The following EPB41L1 variants were observed in gnomAD, a reference collection of about 807,000 sequenced individuals.
EPB41L1 encodes erythrocyte membrane protein band 4.1 like 1.
In EPB41L1, 29 loss-of-function variants were observed where a neutral mutation model predicts 97.8. The ratio of observed to expected loss-of-function variants is 0.30; its 90% CI spans 0.22 to 0.40. The LOEUF (loss-of-function observed/expected upper bound fraction) is 0.40. EPB41L1 is among the 10% of genes least tolerant of loss of function. The pLI is 1.00. For missense variants in EPB41L1, 812 were observed against 1,162.3 expected (o/e 0.70, Z 4.38); for synonymous variants, 383 against 459.2 (o/e 0.83, Z 2.12).
At position 36,219,801 on chromosome 20, in the gene EPB41L1, C is replaced by A. The variant is rs1170871646; in HGVS notation, c.2396C>A (p.Thr799Asn). 6.2e-7 allele frequency: 1 copy of A among 1,614,242 alleles called. No individual in the cohort carries two copies. The highest frequency in any genetic ancestry group is 8.5e-7 in the Non-Finnish European group (1 of 1,180,046). Residue 799 changes from threonine to asparagine, a missense_variant, in exon 19 of 22, where the codon ACT becomes AAT. Thr to Asn is a moderately conservative substitution (Grantham distance 65). Coordinates refer to ENST00000338074, the MANE Select transcript of EPB41L1 (RefSeq NM_012156.2). ...GTCCTCACCAGCACCTACGGCGCCACTGCGGAAACCCTCTCAACCTCCACC... is the reference window on the plus strand; with the variant it reads ...GTCCTCACCAGCACCTACGGCGCCAATGCGGAAACCCTCTCAACCTCCACC... ...KDVLTSTYGA[T>N]AETLSTSTTT...
At position 36,195,697 on chromosome 20, in the gene EPB41L1, C is replaced by T. The variant is rs2062164388; in HGVS notation, c.1485+333C>T. 6.6e-6 allele frequency among the ~76,000 whole-genome samples: 1 copy of T among 152,212 alleles called. No homozygotes were observed. Among genetic ancestry groups the T allele is most frequent in the South Asian group, 2.1e-4 (1 of 4,830 alleles). On this transcript the variant is annotated intron_variant, in intron 13 of 21. Transcript: ENST00000338074. The surrounding 1 kb of genome is among the most constrained non-coding windows in gnomAD (Gnocchi z 4.6). ...CACCTGCACCACCAGCTCTTCCAGG[C>T]CATTCTGTGCTTTCATTTAGCACAT...
At position 36,093,850 on chromosome 20, in the gene EPB41L1, C is replaced by T. The variant is rs1055447390; in HGVS notation, c.-65+2238C>T. On this transcript the variant is annotated intron_variant, in intron 1 of 19. Transcript: ENST00000202028. The surrounding 1 kb of genome is among the most constrained non-coding windows in gnomAD (Gnocchi z 5.4). ...GGGGACATGTCCCCTCCGGCCTCCC[C>T]CCAGCCCCCCACCAGACCTAGCCTG... is the stretch of plus-strand genomic sequence containing the variant. 4.6e-5 allele frequency among the ~76,000 whole-genome samples: 7 copies of T among 152,092 alleles called. No individual in the cohort carries two copies. Among genetic ancestry groups the T allele is most frequent in the African/African-American group, 1.7e-4 (7 of 41,426 alleles).
intron 1 of EPB41L1, chr20:36,155,344 C>T: frequency 2.8e-6 from 1 of 362,550 alleles, no homozygotes; most frequent in South Asian, 2.0e-5. Context: ...CTTCCCCGCT[C>T]TGGGCTTGCC....
intron 2 of EPB41L1, among the ~76,000 whole-genome samples, chr20:36,135,481 G>A (rs1027989410): frequency 6.6e-6 from 1 of 152,172 alleles, no homozygotes; most frequent in East Asian, 1.9e-4. Flanking sequence ...CCTTGGGCAA[G>A]TTACTTTATC....
intron 1 of EPB41L1, among the ~76,000 whole-genome samples, chr20:36,111,380 C>T (rs1033332471): frequency 6.6e-6 from 1 of 152,202 alleles, no homozygotes; most frequent in Non-Finnish European, 1.5e-5. Flanking sequence ...CTCCAAGTCT[C>T]CTGCCCCATT....
intron 1 of EPB41L1, among the ~76,000 whole-genome samples, chr20:36,167,475 G>A (rs2060786456): frequency 6.6e-6 from 1 of 152,150 alleles, no homozygotes; most frequent in African/African-American, 2.4e-5. Context: ...AGGAGGCTGA[G>A]GCGGGCGGAT....
chr20:36,120,664 C>T (rs2058722642), intron 2 of EPB41L1, among the ~76,000 whole-genome samples: 1 of 152,106 alleles, frequency 6.6e-6, no homozygotes, highest in Admixed American at 6.6e-5. Context: ...GAAATGGATT[C>T]TGCCTCCAGC....
intron 2 of EPB41L1, among the ~76,000 whole-genome samples, chr20:36,139,967 T>C (rs2059573531): frequency 6.6e-6 from 1 of 152,104 alleles, no homozygotes; most frequent in East Asian, 1.9e-4. Flanking sequence ...CGACCTCAGG[T>C]GATCCGCCCA....
chr20:36,168,376 G>T (rs1052472095), intron 1 of EPB41L1, among the ~76,000 whole-genome samples: 1 of 152,230 alleles, frequency 6.6e-6, no homozygotes, highest in Middle Eastern at 3.4e-3. Context: ...GGCCCTGCTG[G>T]CCTCTGTCTG....
In EPB41L1 at chr20:36,214,418, C is replaced by T. The variant is rs200279989; in HGVS notation, c.2246C>T (p.Thr749Met). The T allele has an allele frequency of 1.7e-5, 28 of 1,613,448 alleles. No homozygotes were observed. The highest frequency in any genetic ancestry group is 1.6e-4 in the Middle Eastern group (1 of 6,084). The part of the protein sequence containing the change: ...EFIATTPSIT[T>M]ETISTTMENS... ...ATAGCAACCACTCCCTCCATCACCACGGAGACCATATCGACCACCATGGTA... is the reference window on the plus strand; with the variant it reads ...ATAGCAACCACTCCCTCCATCACCATGGAGACCATATCGACCACCATGGTA... The change falls in exon 17 of 22, where the codon ACG becomes ATG. Residue 749 changes from threonine (T) to methionine (M), a missense_variant. Coordinates refer to ENST00000338074, the MANE Select transcript of EPB41L1 (RefSeq NM_012156.2).
intron 2 of EPB41L1, among the ~76,000 whole-genome samples, chr20:36,141,590 A>T (rs566542128): frequency 1.3e-5 from 2 of 152,322 alleles, no homozygotes; most frequent in East Asian, 3.9e-4. Context: ...AGATTCTAGG[A>T]GGGACCTTCA....
At chr20:36,143,657 G>A (rs1041961350) in intron 2 of EPB41L1, among the ~76,000 whole-genome samples, 1 of 151,786 alleles carries the variant, frequency 6.6e-6, no homozygotes, top group Admixed American at 6.6e-5. Flanking sequence ...TCTATGCATG[G>A]GCTTCATGAG....
chr20:36,100,225 C>G (rs981401422), intron 1 of EPB41L1, among the ~76,000 whole-genome samples: 12 of 152,230 alleles, frequency 7.9e-5, no homozygotes, highest in East Asian at 1.9e-4. Flanking sequence ...CCTTTCCCCC[C>G]ACACTGGGGA....
chr20:36,120,545 G>C (rs2058718948), intron 2 of EPB41L1, among the ~76,000 whole-genome samples: 1 of 152,158 alleles, frequency 6.6e-6, no homozygotes, highest in African/African-American at 2.4e-5. Context: ...CCGTGTCCCT[G>C]TCTGTTTGAT....
chr20:36,210,012 T>C lies in EPB41L1; in HGVS notation c.2079+114T>C. On this transcript the variant is annotated intron_variant, in intron 15 of 21. Transcript: ENST00000338074. ...GCCTGCAGCCTGAAGCTCTGTCTCGTGTTGCATGACTGCCCCTCCGCAGAA... is the reference window on the plus strand; with the variant it reads ...GCCTGCAGCCTGAAGCTCTGTCTCGCGTTGCATGACTGCCCCTCCGCAGAA... 3 of 1,315,856 alleles carry C rather than the reference T, an allele frequency of 2.3e-6. No homozygotes were observed. The South Asian group carries it at 4.1e-5, about 18-fold the overall frequency. The allele number at this position is 1,315,856 out of a possible 1,614,324, so 81.5% of individuals were successfully genotyped here.
intron 1 of EPB41L1, among the ~76,000 whole-genome samples, chr20:36,157,026 C>G (rs760838442): frequency 6.6e-6 from 1 of 152,110 alleles, no homozygotes; most frequent in African/African-American, 2.4e-5. Flanking sequence ...GAGATGAAGA[C>G]CATCCTGGCC....
chr20:36,151,101 G>A (rs532011738), upstream of EPB41L1: 1 of 152,288 alleles, frequency 6.6e-6, no homozygotes, highest in Non-Finnish European at 1.5e-5. Context: ...GTGTTTGGTT[G>A]AATCTCTGCC....
intron 21 of EPB41L1, among the ~76,000 whole-genome samples, chr20:36,227,897 G>T (rs975125805): frequency 6.6e-6 from 1 of 152,162 alleles, no homozygotes; most frequent in African/African-American, 2.4e-5. Flanking sequence ...ACCTCCTTCA[G>T]AGAGGACCTG....
At chr20:36,189,507 T>C (rs66539242) in intron 9 of EPB41L1, among the ~76,000 whole-genome samples, 3,001 of 152,308 alleles carry the variant, frequency 0.02, 65 homozygotes, top group African/African-American at 0.055. Context: ...CCTGCCTGAG[T>C]GCTTCGCATT....
Sources: gnomAD v4.1 joint callset for allele counts (sites outside exome capture counted in the v4.1 genomes callset) on GRCh38, gnomAD v4.1.1 for gene constraint, Gnocchi (gnomAD v3.1) non-coding constraint, MANE v1.5 for transcripts, NCBI Gene and HGNC (gene_info 2026-07-23, HGNC 2026-07-21) for gene names.